Variants in ACER2 observed in about 807,000 individuals in gnomAD.
The protein encoded by ACER2 is alkaline ceramidase 2, also known as alkCDase 2.
A neutral mutation model predicts 34.7 loss-of-function variants in ACER2; 26 were observed. That is an observed-to-expected ratio of 0.75 (90% confidence interval 0.55 to 1.04). The LOEUF (loss-of-function observed/expected upper bound fraction) is 1.04, where lower values mean the gene tolerates loss of function less well. Among genes scored for constraint, ACER2 ranks in the 50% least tolerant of loss-of-function variants. ACER2 has a pLI of 0.00. For synonymous variants in ACER2, 138 were observed against 132.1 expected, an observed-to-expected ratio of 1.04 and a Z score of -0.31; for missense variants, 352 against 340.8, an observed-to-expected ratio of 1.03 and a Z score of -0.26.
At chr9:19,443,414 C>T (rs191427471) in intron 4 of ACER2, among the ~76,000 whole-genome samples, 1 of 152,350 alleles carries the variant, frequency 6.6e-6, no homozygotes, top group African/African-American at 2.4e-5. Flanking sequence ...GATCCCCCGG[C>T]CTTGGCCTCC....
At chr9:19,419,435 TC>T (rs1212792672) in intron 1 of ACER2, among the ~76,000 whole-genome samples, 2 of 152,188 alleles carry the variant, frequency 1.3e-5, no homozygotes, top group Admixed American at 6.5e-5. Flanking sequence ...CACATAGCAC[TC>T]CTATGTGGGA....
At chr9:19,409,792 C>T in intron 1 of ACER2, 1 of 985,226 alleles carries the variant, frequency 1.0e-6, no homozygotes, top group Non-Finnish European at 1.2e-6. Flanking sequence ...CTTGTGCAAG[C>T]CGCTAATTCA....
In ACER2 at chr9:19,421,005, C is replaced by G. The variant is rs541654811; in HGVS notation, c.109-2857C>G. On this transcript the variant is annotated intron_variant, in intron 1 of 5. Coordinates refer to ENST00000340967, the MANE Select transcript of ACER2 (RefSeq NM_001010887.3). ...CATTATAGACCATACTTACACAAATCTAGATGGTATAGCTTTGTACACACC... is the reference window on the plus strand; with the variant it reads ...CATTATAGACCATACTTACACAAATGTAGATGGTATAGCTTTGTACACACC... Among the ~76,000 whole-genome samples the G allele has an allele frequency of 2.4e-4, 37 of 152,292 alleles. 1 individual carries two copies. The highest frequency in any genetic ancestry group is 8.4e-4 in the African/African-American group (35 of 41,570).
intron 3 of ACER2, among the ~76,000 whole-genome samples, chr9:19,425,626 G>T (rs145418722): frequency 1.3e-5 from 2 of 152,302 alleles, no homozygotes; most frequent in African/African-American, 4.8e-5. Context: ...GTGATGAAAA[G>T]TGAAGCTGAT....
chr9:19,428,337 T>C (rs539219118), intron 3 of ACER2, among the ~76,000 whole-genome samples: 25 of 151,904 alleles, frequency 1.6e-4, no homozygotes, highest in Non-Finnish European at 3.2e-4. Context: ...GTGGCTAATT[T>C]TTGTATTTTT....
chr9:19,420,348 C>T (rs1389348560), intron 1 of ACER2, among the ~76,000 whole-genome samples: 2 of 152,158 alleles, frequency 1.3e-5, no homozygotes, highest in East Asian at 1.9e-4. Context: ...CACCCCATCC[C>T]GATGGGTGTT....
intron 1 of ACER2, among the ~76,000 whole-genome samples, chr9:19,412,703 C>A (rs1830120703): frequency 6.7e-6 from 1 of 149,284 alleles, no homozygotes; most frequent in Non-Finnish European, 1.5e-5. Flanking sequence ...ATCACGAATA[C>A]TTGAAGTTTT....
At chr9:19,437,715 A>G (rs958841) in intron 4 of ACER2, among the ~76,000 whole-genome samples, 5,834 of 151,954 alleles carry the variant, frequency 0.038, 369 homozygotes, top group African/African-American at 0.13. Context: ...TCCCCCTGAA[A>G]TGCCCTTTCC....
Position 19,446,324 on chromosome 9 carries a change from C to A in ACER2, c.547C>A (p.Leu183Ile). The change falls in exon 5 of 6, where the codon CTC (leucine) becomes ATC (isoleucine). Residue 183 changes from leucine to isoleucine, a missense_variant. Coordinates refer to ENST00000340967, the MANE Select transcript of ACER2 (RefSeq NM_001010887.3). ...RVFKLGLFSG[L>I]WWTLALFCWI... Reference sequence around the variant, plus strand: ...GTTTAAGCTGGGCCTCTTCTCGGGCCTCTGGTGGACCCTGGCCCTGTTCTG... The same window carrying A: ...GTTTAAGCTGGGCCTCTTCTCGGGCATCTGGTGGACCCTGGCCCTGTTCTG... 1 of 1,614,164 alleles carries A rather than the reference C, an allele frequency of 6.2e-7. No individual in the cohort carries two copies. The highest frequency in any genetic ancestry group is 8.5e-7 in the Non-Finnish European group (1 of 1,180,028).
rs1830005334 is a variant in ACER2, at chr9:19,409,117, G to C, written c.33G>C (p.Gln11His). Reference sequence around the variant, plus strand: ...CCCCGCACTGGTGGGACCAGCTGCAGGCTGGTAGCTCGGAGGTGGACTGGT... The same window carrying C: ...CCCCGCACTGGTGGGACCAGCTGCACGCTGGTAGCTCGGAGGTGGACTGGT... Reference protein sequence around the residue: MGAPHWWDQLQAGSSEVDWCE... With the variant: MGAPHWWDQLHAGSSEVDWCE... Residue 11 changes from glutamine to histidine, a missense_variant, in exon 1 of 6, where the codon CAG (glutamine) becomes CAC (histidine). Gln to His is a conservative substitution (Grantham distance 24). Transcript: ENST00000340967. 2 of 1,604,546 alleles carry C rather than the reference G, an allele frequency of 1.2e-6. No individual in the cohort carries two copies. Among genetic ancestry groups the C allele is most frequent in the South Asian group, 2.2e-5 (2 of 89,060 alleles).
intron 4 of ACER2, chr9:19,446,071 A>C: frequency 2.6e-6 from 2 of 783,704 alleles, no homozygotes; most frequent in Non-Finnish European, 4.5e-6. Context: ...TCAGGAGAGA[A>C]GCCTGGGTGG....
At chr9:19,414,506 G>T (rs1194297570) in intron 1 of ACER2, among the ~76,000 whole-genome samples, 2 of 152,196 alleles carry the variant, frequency 1.3e-5, no homozygotes, top group African/African-American at 4.8e-5. Flanking sequence ...TTGTGGGCTA[G>T]GCGCAGTGGC....
At chr9:19,424,932 A>C in intron 3 of ACER2, 91 bp downstream of exon 3, 2 of 1,499,978 alleles carry the variant, frequency 1.3e-6, no homozygotes, top group Non-Finnish European at 1.8e-6. Flanking sequence ...ACATGATTGA[A>C]CTCAGCCTAG....
At chr9:19,417,194 C>T (rs1029555329) in intron 1 of ACER2, among the ~76,000 whole-genome samples, 1 of 152,142 alleles carries the variant, frequency 6.6e-6, no homozygotes, top group Non-Finnish European at 1.5e-5. Flanking sequence ...TCAAGGAGAA[C>T]TACAAACCAC....
At chr9:19,428,824 C>T (rs1213901855) in intron 3 of ACER2, among the ~76,000 whole-genome samples, 5 of 108,222 alleles carry the variant, frequency 4.6e-5, no homozygotes, top group Admixed American at 2.8e-4. Flanking sequence ...AAGTCTTGCT[C>T]TGTCACCCAG....
At chr9:19,443,920 G>T (rs1216887731) in intron 4 of ACER2, among the ~76,000 whole-genome samples, 1 of 152,162 alleles carries the variant, frequency 6.6e-6, no homozygotes, top group Non-Finnish European at 1.5e-5. Context: ...GCCTCCCAAA[G>T]TGCTGGGATT....
At chr9:19,413,651 T>C (rs1234350575) in intron 1 of ACER2, among the ~76,000 whole-genome samples, 1 of 150,768 alleles carries the variant, frequency 6.6e-6, no homozygotes, top group Non-Finnish European at 1.5e-5. Flanking sequence ...CACATAGACC[T>C]AGCCACTTTG....
intron 1 of ACER2, among the ~76,000 whole-genome samples, chr9:19,411,012 A>G (rs1830071239): frequency 1.3e-5 from 2 of 152,210 alleles, no homozygotes; most frequent in African/African-American, 2.4e-5. Context: ...GTCTACAGAG[A>G]GGGTCAACCT....
chr9:19,427,204 A>C (rs928782498), intron 3 of ACER2, among the ~76,000 whole-genome samples: 3 of 152,246 alleles, frequency 2.0e-5, no homozygotes, highest in Non-Finnish European at 2.9e-5. Flanking sequence ...AATACTAAGC[A>C]ACATGGAGAG....
Sources: gnomAD v4.1 joint callset for allele counts (sites outside exome capture counted in the v4.1 genomes callset) on GRCh38, gnomAD v4.1.1 for gene constraint, MANE v1.5 for transcripts, NCBI Gene and HGNC (gene_info 2026-07-23, HGNC 2026-07-21) for gene names.